The following PPFIBP1 variants were observed in gnomAD, a reference collection of about 807,000 sequenced individuals.
PPFIBP1 encodes liprin-beta-1.
A neutral mutation model predicts 137.8 loss-of-function variants in PPFIBP1; 112 were observed. The observed-to-expected ratio is 0.81, with a 90% CI of 0.70 to 0.95. The LOEUF is 0.95. PPFIBP1 is among the 40% of genes least tolerant of loss of function. The pLI is 0.00. For missense variants in PPFIBP1, 1,083 were observed against 1,196.6 expected (o/e 0.91, Z 1.40); for synonymous variants, 378 against 417.3 (o/e 0.91, Z 1.15).
At chr12:27,600,495 C>T (rs545544511) in intron 2 of PPFIBP1, among the ~76,000 whole-genome samples, 4 of 151,540 alleles carry the variant, frequency 2.6e-5, no homozygotes, top group Non-Finnish European at 2.9e-5. Flanking sequence ...ATATGACAAA[C>T]GCCTGTGTAC....
rs182553286 is a variant in PPFIBP1 at position 27,686,907 on chromosome 12, T to C, written c.2248-478T>C. ...AAAGATGAAAAAAGAAAGCCAACTC[T>C]TGATCATGTTCACCAATGAGCATCA... On this transcript the variant is annotated intron_variant, in intron 24 of 29. Transcript: ENST00000228425. Among the ~76,000 whole-genome samples the C allele has an allele frequency of 3.3e-5, 5 of 152,168 alleles. No individual in the cohort carries two copies. In the East Asian group the frequency reaches 9.7e-4, roughly 29 times the overall value.
intron 2 of PPFIBP1, among the ~76,000 whole-genome samples, chr12:27,595,360 C>T (rs2053085831): frequency 6.6e-6 from 1 of 152,192 alleles, no homozygotes; most frequent in Non-Finnish European, 1.5e-5. Context: ...CTGCTAACTC[C>T]TGAGGCAAGA....
At chr12:27,687,676 G>C (rs7297600) in intron 25 of PPFIBP1, among the ~76,000 whole-genome samples, 169 bp downstream of exon 25, 1 of 152,092 alleles carries the variant, frequency 6.6e-6, no homozygotes, top group East Asian at 1.9e-4. Context: ...CTCCATGACG[G>C]TTCCCCTTGT....
At chr12:27,689,233 T>A in intron 27 of PPFIBP1, 30 bp downstream of exon 27, 1 of 1,506,046 alleles carries the variant, frequency 6.6e-7, no homozygotes, top group Non-Finnish European at 8.8e-7. Flanking sequence ...GTTTAATAAT[T>A]GCTTGGCGCA....
intron 9 of PPFIBP1, 92 bp from the exon 10 acceptor site, chr12:27,658,724 A>G: frequency 7.4e-7 from 1 of 1,351,210 alleles, no homozygotes; most frequent in South Asian, 1.3e-5. Flanking sequence ...CCGTTATTTT[A>G]GGTAAAAAGA....
chr12:27,655,917 A>G (rs1273811044), intron 8 of PPFIBP1, among the ~76,000 whole-genome samples: 4 of 152,242 alleles, frequency 2.6e-5, no homozygotes, highest in South Asian at 2.1e-4. Flanking sequence ...GTTTGCTAAA[A>G]CTAATTCTTT....
At chr12:27,595,379 C>T (rs1437564044) in intron 2 of PPFIBP1, among the ~76,000 whole-genome samples, 2 of 152,124 alleles carry the variant, frequency 1.3e-5, no homozygotes, top group Non-Finnish European at 2.9e-5. Context: ...GAAGGGGAGA[C>T]GTGAGAAATC....
chr12:27,627,248 G>A (rs933334469), intron 2 of PPFIBP1, among the ~76,000 whole-genome samples: 1 of 152,100 alleles, frequency 6.6e-6, no homozygotes, highest in African/African-American at 2.4e-5. Flanking sequence ...GCACACATTG[G>A]CAATCATTGC....
chr12:27,676,622 T>C (rs2060527385), intron 18 of PPFIBP1, 23 bp downstream of exon 18: 2 of 1,525,172 alleles, frequency 1.3e-6, no homozygotes, highest in African/African-American at 1.4e-5. Context: ...AAAATGCCTT[T>C]GCCCTAATTC....
intron 1 of PPFIBP1, among the ~76,000 whole-genome samples, chr12:27,537,212 A>G (rs1592310784): frequency 6.6e-6 from 1 of 151,442 alleles, no homozygotes; most frequent in Admixed American, 6.6e-5. Context: ...GCTCACTACA[A>G]CCTCTGCCTC....
chr12:27,646,565 T>C (rs559220188), intron 5 of PPFIBP1, among the ~76,000 whole-genome samples: 28 of 152,160 alleles, frequency 1.8e-4, no homozygotes, highest in African/African-American at 6.5e-4. Flanking sequence ...TTAAGTATAT[T>C]TTAATATATA....
rs773427952 is a variant in PPFIBP1 at position 27,691,946 on chromosome 12, T to C, written c.2865+18T>C. Reference sequence around the variant, plus strand: ...TAGAGCAGGTAAATCCAACACTGTATAACTTTTTGCGAGTTCTTCCATCAT... The same window carrying C: ...TAGAGCAGGTAAATCCAACACTGTACAACTTTTTGCGAGTTCTTCCATCAT... On this transcript the variant is annotated intron_variant, in intron 28 of 29. Coordinates refer to ENST00000228425, the MANE Select transcript of PPFIBP1 (RefSeq NM_003622.4). 122 of 1,566,168 alleles carry C rather than the reference T, an allele frequency of 7.8e-5. No individual in the cohort carries two copies. Among genetic ancestry groups the C allele is most frequent in the Non-Finnish European group, 8.9e-5 (103 of 1,156,212 alleles).
chr12:27,544,618 G>A (rs993982850), intron 1 of PPFIBP1, among the ~76,000 whole-genome samples: 16 of 152,172 alleles, frequency 1.1e-4, no homozygotes, highest in Admixed American at 1.3e-4. Flanking sequence ...AGACATTTAT[G>A]TGGTCAACAA....
intron 2 of PPFIBP1, among the ~76,000 whole-genome samples, chr12:27,604,912 G>C (rs1182260035): frequency 1.3e-5 from 2 of 152,174 alleles, no homozygotes; most frequent in Admixed American, 6.5e-5. Context: ...TGGATGGCGG[G>C]AAGCAAAGAG....
At chr12:27,564,017 T>TGC (rs2049417305) in intron 1 of PPFIBP1, among the ~76,000 whole-genome samples, 1 of 151,990 alleles carries the variant, frequency 6.6e-6, no homozygotes, top group African/African-American at 2.4e-5. Flanking sequence ...GGACTACAGG[T>TGC]GCGTGCCACC....
intron 4 of PPFIBP1, among the ~76,000 whole-genome samples, chr12:27,643,494 A>AG (rs2058257935): frequency 7.4e-6 from 1 of 135,430 alleles, no homozygotes; most frequent in South Asian, 2.3e-4. Context: ...AATTCAAGGA[A>AG]GACCTCACAG....
chr12:27,530,073 C>G (rs1030404741), intron 1 of PPFIBP1, among the ~76,000 whole-genome samples: 1 of 152,180 alleles, frequency 6.6e-6, no homozygotes, highest in Non-Finnish European at 1.5e-5. Flanking sequence ...AAGGTTGAAA[C>G]TCTGTGGTCT....
intron 1 of PPFIBP1, among the ~76,000 whole-genome samples, chr12:27,527,858 T>G (rs916467648): frequency 6.6e-6 from 1 of 152,192 alleles, no homozygotes; most frequent in Non-Finnish European, 1.5e-5. Context: ...TTGTTATTTT[T>G]AACCGTGGCC....
At position 27,676,477 on chromosome 12, in the gene PPFIBP1, C is replaced by T; in HGVS notation, c.1460C>T (p.Pro487Leu). The change falls in exon 18 of 30, where the codon CCC (proline) becomes CTC (leucine). Residue 487 changes from proline to leucine, a missense_variant. Pro to Leu is a moderately conservative substitution (Grantham distance 98, BLOSUM62 -3). Transcript: ENST00000228425. The stretch of plus-strand genomic sequence containing the variant: ...CCATTTGGGACCCTTCCTCCCAGGC[C>T]CCCAGGGCAGGACACCTCCATGGAT... ...SRPFGTLPPR[P>L]PGQDTSMDDN... 6.3e-7 allele frequency: 1 copy of T among 1,594,350 alleles called. No homozygotes were observed. Among genetic ancestry groups the T allele is most frequent in the Non-Finnish European group, 8.6e-7 (1 of 1,169,288 alleles).
Sources: allele counts gnomAD v4.1 joint callset (sites outside exome capture counted in the v4.1 genomes callset), GRCh38; gene constraint gnomAD v4.1.1; transcripts MANE v1.5; gene names NCBI Gene and HGNC (gene_info 2026-07-23, HGNC 2026-07-21).